The following GRIK4 variants were observed in gnomAD, a reference collection of about 807,000 sequenced individuals.
GRIK4 encodes glutamate receptor ionotropic, kainate 4.
In GRIK4, 40 loss-of-function variants were observed where a neutral mutation model predicts 104.9. The ratio of observed to expected loss-of-function variants is 0.38; its 90% confidence interval spans 0.30 to 0.50. The LOEUF is 0.50. Ranked by LOEUF, GRIK4 falls within the 20% of genes least tolerant of loss-of-function variation. The pLI is 0.93. For missense variants in GRIK4, 1,047 were observed against 1,308.1 expected, an observed-to-expected ratio of 0.80 and a Z score of 3.08; for synonymous variants, 485 against 524.9, an observed-to-expected ratio of 0.92 and a Z score of 1.04.
intron 1 of GRIK4, among the ~76,000 whole-genome samples, chr11:120,565,124 C>T (rs983845909): frequency 6.6e-6 from 1 of 152,214 alleles, no homozygotes; most frequent in East Asian, 1.9e-4. Context: ...GGACGGGCTG[C>T]GGAGCCCGCG....
At position 120,516,856 on chromosome 11, in the gene GRIK4, G is replaced by A. The variant is rs532069915; in HGVS notation, c.-159+4969G>A. Among the ~76,000 whole-genome samples the A allele has an allele frequency of 4.6e-5, 7 of 152,216 alleles. No homozygotes were observed. In the East Asian group the frequency reaches 7.7e-4, roughly 17 times the overall value. Reference sequence around the variant, plus strand: ...AGGTCTGAGGGAAAGCTGACAGTGCGTGCCTGGATGCGCTGTGCCTGAGGA... The same window carrying A: ...AGGTCTGAGGGAAAGCTGACAGTGCATGCCTGGATGCGCTGTGCCTGAGGA... On this transcript the variant is annotated intron_variant, in intron 1 of 20. Coordinates refer to ENST00000527524, the MANE Select transcript of GRIK4 (RefSeq NM_014619.5).
chr11:120,684,815 A>G (rs1393197146), intron 3 of GRIK4, among the ~76,000 whole-genome samples: 1 of 151,874 alleles, frequency 6.6e-6, no homozygotes, highest in Admixed American at 6.6e-5. Context: ...GCTTCACGCC[A>G]TTATCCTGCC....
At chr11:120,538,159 C>T (rs1383485082) in intron 1 of GRIK4, among the ~76,000 whole-genome samples, 1 of 152,226 alleles carries the variant, frequency 6.6e-6, no homozygotes. Context: ...GCCTCTGGAG[C>T]GGCACGCATC....
intron 14 of GRIK4, among the ~76,000 whole-genome samples, chr11:120,947,087 A>G (rs897052357): frequency 4.6e-5 from 7 of 152,204 alleles, no homozygotes; most frequent in Non-Finnish European, 1.0e-4. Context: ...AGAAAAAGAA[A>G]AATCAGACAG....
rs1040938857 is a variant in GRIK4, at chr11:120,622,907, G to A, written c.-158-30778G>A. Among the ~76,000 whole-genome samples the A allele has an allele frequency of 9.2e-4, 140 of 152,304 alleles. 1 individual carries two copies. Among genetic ancestry groups the A allele is most frequent in the Non-Finnish European group, 5.3e-4 (36 of 68,038 alleles). The stretch of plus-strand genomic sequence containing the variant: ...TAGGGCCCCCCTGATAACCCAGTGT[G>A]CTCCTCCTCTCAGGATCCTTTGACT... On this transcript the variant is annotated intron_variant, in intron 1 of 20. Coordinates refer to ENST00000527524, the MANE Select transcript of GRIK4 (RefSeq NM_014619.5).
At chr11:120,631,633 A>G (rs1333190113) in intron 1 of GRIK4, among the ~76,000 whole-genome samples, 1 of 152,206 alleles carries the variant, frequency 6.6e-6, no homozygotes, top group Non-Finnish European at 1.5e-5. Flanking sequence ...CAATGAGGTC[A>G]GGAGAGTCTT....
chr11:120,821,807 GGGCACCCTTACACTCTATGTAC>G (rs1339130087), intron 6 of GRIK4, among the ~76,000 whole-genome samples: 3 of 152,294 alleles, frequency 2.0e-5, no homozygotes, highest in Non-Finnish European at 4.4e-5. Context: ...CCTGGGTGCT[GGGCACCCTTACACTCTATGTAC>G]GGCATAAGAG....
chr11:120,736,401 G>A (rs1227313289), intron 3 of GRIK4, among the ~76,000 whole-genome samples: 1 of 151,758 alleles, frequency 6.6e-6, no homozygotes, highest in Non-Finnish European at 1.5e-5. Flanking sequence ...AGTGGGGTTG[G>A]GGGACCAAGC....
intron 3 of GRIK4, among the ~76,000 whole-genome samples, chr11:120,681,475 G>A (rs1950192576): frequency 6.6e-6 from 1 of 152,112 alleles, no homozygotes; most frequent in Non-Finnish European, 1.5e-5. Context: ...CTCCTCTGCT[G>A]TTTTCCCTCC....
intron 19 of GRIK4, among the ~76,000 whole-genome samples, chr11:120,969,250 T>C (rs937632576): frequency 1.3e-5 from 2 of 152,040 alleles, no homozygotes; most frequent in African/African-American, 2.4e-5. Context: ...AGATTACTTC[T>C]CCTTGTTCAG....
chr11:120,874,616 TG>T (rs1592019711), intron 10 of GRIK4, among the ~76,000 whole-genome samples: 1 of 152,208 alleles, frequency 6.6e-6, no homozygotes, highest in South Asian at 2.1e-4. Context: ...CTAGCTTGGC[TG>T]GGTTTCCCAT....
intron 1 of GRIK4, among the ~76,000 whole-genome samples, chr11:120,541,798 C>A (rs770400685): frequency 9.2e-5 from 14 of 152,100 alleles, no homozygotes; most frequent in Non-Finnish European, 2.1e-4. Flanking sequence ...CAAAAAAATA[C>A]CCTTGAGAAG....
At chr11:120,624,324 G>A (rs1949227409) in intron 1 of GRIK4, among the ~76,000 whole-genome samples, 1 of 151,948 alleles carries the variant, frequency 6.6e-6, no homozygotes, top group African/African-American at 2.4e-5. Flanking sequence ...GGGCCCCATG[G>A]GGCAGAAATA....
chr11:120,653,231 C>G (rs982514807), intron 1 of GRIK4, among the ~76,000 whole-genome samples: 1 of 152,220 alleles, frequency 6.6e-6, no homozygotes, highest in Non-Finnish European at 1.5e-5. Flanking sequence ...AGCATGGAAC[C>G]AGGGGGCCAG....
chr11:120,725,021 A>G (rs1385228362), intron 3 of GRIK4, among the ~76,000 whole-genome samples: 1 of 152,196 alleles, frequency 6.6e-6, no homozygotes, highest in African/African-American at 2.4e-5. Flanking sequence ...ATAAAATACT[A>G]TTCTATTGCA....
intron 1 of GRIK4, among the ~76,000 whole-genome samples, chr11:120,631,220 T>C (rs1244515025): frequency 6.6e-6 from 1 of 152,278 alleles, no homozygotes; most frequent in African/African-American, 2.4e-5. Flanking sequence ...TCATTGTATC[T>C]CCTAGTTCTG....
chr11:120,743,350 T>C (rs566238798), intron 3 of GRIK4, among the ~76,000 whole-genome samples: 8 of 152,224 alleles, frequency 5.3e-5, no homozygotes, highest in South Asian at 2.1e-4. Flanking sequence ...TATGTTCTTA[T>C]TTTTAAGTGG....
At chr11:120,717,011 G>T (rs1463847429) in intron 3 of GRIK4, among the ~76,000 whole-genome samples, 1 of 152,204 alleles carries the variant, frequency 6.6e-6, no homozygotes, top group African/African-American at 2.4e-5. Context: ...TTAAATATTT[G>T]CTGTGGGGAT....
intron 18 of GRIK4, among the ~76,000 whole-genome samples, chr11:120,963,980 T>TTTA (rs1270895863): frequency 0.011 from 51 of 4,754 alleles, 1 homozygote; most frequent in East Asian, 0.083. Flanking sequence ...TATTTATTTA[T>TTTA]TTATTTATTT....
Sources: allele counts gnomAD v4.1 joint callset (sites outside exome capture counted in the v4.1 genomes callset), GRCh38; gene constraint gnomAD v4.1.1; transcripts MANE v1.5; gene names NCBI Gene and HGNC (gene_info 2026-07-23, HGNC 2026-07-21).